The following CLASP1 variants were observed in gnomAD, a reference collection of about 807,000 sequenced individuals.
CLASP1 encodes CLIP-associating protein 1.
Under a neutral mutation model 192.3 loss-of-function variants are expected in CLASP1, and 38 were observed. That is an observed-to-expected ratio of 0.20 (90% CI 0.15 to 0.26). The LOEUF (loss-of-function observed/expected upper bound fraction) is 0.26, where lower values mean the gene tolerates loss of function less well. CLASP1 is among the 10% of genes least tolerant of loss of function. The probability of loss-of-function intolerance (pLI) is 1.00; values close to 1 mark genes in which losing one functional copy is unlikely to be tolerated. For synonymous variants in CLASP1, 691 were observed against 712.8 expected (o/e 0.97, Z 0.49); for missense variants, 1,433 against 1,932.5 (o/e 0.74, Z 4.85).
At chr2:121,569,376 G>A (rs1033795132) in intron 2 of CLASP1, among the ~76,000 whole-genome samples, 1 of 152,220 alleles carries the variant, frequency 6.6e-6, no homozygotes, top group African/African-American at 2.4e-5. Flanking sequence ...AGAGATCAGG[G>A]CGGCTGGAGG....
intron 25 of CLASP1, among the ~76,000 whole-genome samples, chr2:121,405,699 T>C (rs1197555019): frequency 1.4e-5 from 2 of 144,874 alleles, no homozygotes; most frequent in Non-Finnish European, 2.9e-5. Context: ...TGGTGAACAC[T>C]AAGAATCTAC....
At chr2:121,403,242 G>C (rs2076403200) in intron 26 of CLASP1, among the ~76,000 whole-genome samples, 1 of 152,140 alleles carries the variant, frequency 6.6e-6, no homozygotes, top group African/African-American at 2.4e-5. Flanking sequence ...TGGGGGGAGG[G>C]GAGGAGAACC....
chr2:121,383,299 G>A (rs1043669209), intron 32 of CLASP1, among the ~76,000 whole-genome samples: 2 of 152,228 alleles, frequency 1.3e-5, no homozygotes, highest in Admixed American at 1.3e-4. Context: ...CCTGAGCACA[G>A]GTATGGCTCT....
intron 9 of CLASP1, among the ~76,000 whole-genome samples, chr2:121,463,824 C>G (rs1575105542): frequency 6.6e-6 from 1 of 151,962 alleles, no homozygotes; most frequent in Non-Finnish European, 1.5e-5. Flanking sequence ...AAGCACCAGT[C>G]TAGTAATTTT....
At chr2:121,644,448 G>C (rs1220475521) in intron 1 of CLASP1, among the ~76,000 whole-genome samples, 1 of 151,984 alleles carries the variant, frequency 6.6e-6, no homozygotes. Flanking sequence ...TCAGGAGTTT[G>C]AGATCAGCCT....
intron 2 of CLASP1, among the ~76,000 whole-genome samples, chr2:121,559,699 T>TG (rs1033227190): frequency 6.6e-6 from 1 of 152,070 alleles, no homozygotes; most frequent in Non-Finnish European, 1.5e-5. Flanking sequence ...ACAGAGAGGA[T>TG]GGGGAGTAAC....
chr2:121,513,876 C>T (rs2094211952), intron 7 of CLASP1, among the ~76,000 whole-genome samples: 1 of 152,194 alleles, frequency 6.6e-6, no homozygotes, highest in Non-Finnish European at 1.5e-5. Context: ...TGTAAACACC[C>T]TCTGCCTGGC....
intron 34 of CLASP1, among the ~76,000 whole-genome samples, chr2:121,376,526 T>TGGGGCCGTGGGGAGGGGG (rs2070196783): frequency 9.5e-6 from 1 of 105,134 alleles, no homozygotes. Flanking sequence ...TGGGAAGGGG[T>TGGGGCCGTGGGGAGGGGG]GGGGGGGGGG....
intron 8 of CLASP1, among the ~76,000 whole-genome samples, chr2:121,499,795 C>T (rs551160598): frequency 1.3e-5 from 2 of 151,324 alleles, no homozygotes; most frequent in Admixed American, 1.3e-4. Context: ...TTTAAATAAA[C>T]TTCTATTCCT....
At chr2:121,624,751 T>G (rs549931601) in intron 1 of CLASP1, among the ~76,000 whole-genome samples, 1 of 152,334 alleles carries the variant, frequency 6.6e-6, no homozygotes, top group African/African-American at 2.4e-5. Flanking sequence ...TTTTTTCAAT[T>G]TTGGTAAAAC....
At chr2:121,506,021 A>G (rs2093937008) in intron 7 of CLASP1, among the ~76,000 whole-genome samples, 1 of 152,224 alleles carries the variant, frequency 6.6e-6, no homozygotes, top group Non-Finnish European at 1.5e-5. Flanking sequence ...GAGATTTTAA[A>G]GAGAAAGAAA....
At chr2:121,376,808 A>C (rs2070340640) in intron 34 of CLASP1, among the ~76,000 whole-genome samples, 1 of 152,132 alleles carries the variant, frequency 6.6e-6, no homozygotes, top group Admixed American at 6.6e-5. Context: ...TAGGAGCGTC[A>C]ACTCTATTAT....
At chr2:121,516,495 A>C (rs1361962727) in intron 6 of CLASP1, among the ~76,000 whole-genome samples, 1 of 152,244 alleles carries the variant, frequency 6.6e-6, no homozygotes, top group South Asian at 2.1e-4. Context: ...CTTCAGGAAG[A>C]GGAAGTACGC....
chr2:121,588,989 A>C lies in CLASP1; in HGVS notation c.195+16712T>G, dbSNP rs181736623. 1.9e-3 allele frequency among the ~76,000 whole-genome samples: 294 copies of C among 152,304 alleles called. 4 individuals carry two copies. The highest frequency in any genetic ancestry group is 6.6e-3 in the African/African-American group (274 of 41,576). On this transcript the variant is annotated intron_variant, in intron 2 of 39. Coordinates refer to ENST00000263710, the Ensembl canonical transcript of CLASP1. ...GTGATTGTTTTACTCCAAGCTGGGAAGAGAGAAACTCAGTCTTCTGATAGT... is the reference window on the plus strand; with the variant it reads ...GTGATTGTTTTACTCCAAGCTGGGACGAGAGAAACTCAGTCTTCTGATAGT...
chr2:121,412,419 G>A (rs977707079), intron 23 of CLASP1, among the ~76,000 whole-genome samples: 2 of 151,608 alleles, frequency 1.3e-5, no homozygotes, highest in Non-Finnish European at 2.9e-5. Context: ...TGAAACAAGT[G>A]TAAATGTGAG....
intron 34 of CLASP1, among the ~76,000 whole-genome samples, chr2:121,374,425 A>G (rs1055884000): frequency 4.6e-5 from 7 of 152,220 alleles, no homozygotes; most frequent in African/African-American, 1.7e-4. Flanking sequence ...CAGAGGAGAA[A>G]TGTGGGGTTG....
At chr2:121,417,871 T>C (rs1419232772) in intron 23 of CLASP1, among the ~76,000 whole-genome samples, 2 of 152,230 alleles carry the variant, frequency 1.3e-5, no homozygotes, top group Non-Finnish European at 2.9e-5. Flanking sequence ...AAATACATAG[T>C]TAAAATTAAC....
At chr2:121,485,042 T>A (rs1434069057) in intron 8 of CLASP1, among the ~76,000 whole-genome samples, 1 of 151,934 alleles carries the variant, frequency 6.6e-6, no homozygotes, top group Non-Finnish European at 1.5e-5. Flanking sequence ...TGTAACAAAG[T>A]GAGGGGAAAG....
At chr2:121,626,026 G>A (rs2068290235) in intron 1 of CLASP1, among the ~76,000 whole-genome samples, 2 of 151,816 alleles carry the variant, frequency 1.3e-5, no homozygotes, top group Admixed American at 1.3e-4. Flanking sequence ...TTTGAACACA[G>A]GAGGCAGAGG....
Sources: gnomAD v4.1 joint callset for allele counts (sites outside exome capture counted in the v4.1 genomes callset) on GRCh38, gnomAD v4.1.1 for gene constraint, MANE v1.5 for transcripts, NCBI Gene and HGNC (gene_info 2026-07-23, HGNC 2026-07-21) for gene names.